Variants in FHAD1 observed in about 807,000 individuals in gnomAD.
FHAD1 encodes the protein forkhead associated phosphopeptide binding domain 1.
In FHAD1, 146 loss-of-function variants were observed where a neutral mutation model predicts 191.3. The observed-to-expected ratio is 0.76, with a 90% CI of 0.67 to 0.88. The LOEUF is 0.88. Ranked by LOEUF, FHAD1 falls within the 40% of genes least tolerant of loss-of-function variation. The pLI is 0.00. For missense variants in FHAD1, 1,635 were observed against 1,785.8 expected (o/e 0.92, Z 1.52); for synonymous variants, 616 against 672.3 (o/e 0.92, Z 1.29).
chr1:15,292,967 A>G (rs1256258253), intron 4 of FHAD1, among the ~76,000 whole-genome samples: 1 of 152,140 alleles, frequency 6.6e-6, no homozygotes, highest in African/African-American at 2.4e-5. Context: ...AGTAAAATTA[A>G]TTTCTGTTAT....
chr1:15,269,915 C>CTTTT lies in FHAD1; in HGVS notation c.94-2393_94-2390dup, dbSNP rs144971337. ...CCCCTTTACCATTATTTATGGCTCT[C>CTTTT]TTTTTTTTTTTTTTTTTTGAGTTTC... On this transcript the variant is annotated intron_variant, in intron 2 of 33. Coordinates refer to ENST00000688493, the MANE Select transcript of FHAD1 (RefSeq NM_001391957.1). Among the ~76,000 whole-genome samples the CTTTT allele has an allele frequency of 4.8e-4, 59 of 123,064 alleles. 1 individual carries two copies. Among genetic ancestry groups the CTTTT allele is most frequent in the Admixed American group, 6.4e-4 (7 of 10,892 alleles). The allele number at this position is 123,064 out of a possible 152,430, so 80.7% of individuals were successfully genotyped here.
At chr1:15,274,113 G>C (rs1657292407) in intron 3 of FHAD1, among the ~76,000 whole-genome samples, 1 of 152,226 alleles carries the variant, frequency 6.6e-6, no homozygotes, top group Non-Finnish European at 1.5e-5. Flanking sequence ...CCTTGTATGA[G>C]AGACCACATT....
rs1223750255 is a variant in FHAD1, at chr1:15,316,763, TC to T, written c.1260+300del. 6.6e-6 allele frequency among the ~76,000 whole-genome samples: 1 copy of T among 152,162 alleles called. No homozygotes were observed. Among genetic ancestry groups the T allele is most frequent in the Non-Finnish European group, 1.5e-5 (1 of 68,012 alleles). On this transcript the variant is annotated intron_variant, in intron 9 of 33. Transcript: ENST00000688493. The surrounding 1 kb of genome is among the most constrained non-coding windows in gnomAD (Gnocchi z 4.3). ...GGCTGGCCAGCTGGCCACCACATGG[TC>T]CCCTGCCCCACCCCTGACCTGTGAC...
At chr1:15,345,305 G>C in intron 17 of FHAD1, 111 bp from the exon 18 acceptor site, 4 of 1,339,746 alleles carry the variant, frequency 3.0e-6, no homozygotes, top group Non-Finnish European at 4.2e-6. Context: ...GCTGTCCACA[G>C]TCCCCTAGGG....
intron 7 of FHAD1, among the ~76,000 whole-genome samples, chr1:15,310,687 G>C (rs975643457): frequency 6.6e-6 from 1 of 152,136 alleles, no homozygotes; most frequent in Non-Finnish European, 1.5e-5. Context: ...CAAGCCTCCC[G>C]GCTGCTGCTT....
At chr1:15,401,563 C>G (rs1707127991), downstream of FHAD1, among the ~76,000 whole-genome samples, 1 of 152,202 alleles carries the variant, frequency 6.6e-6, no homozygotes, top group African/African-American at 2.4e-5. Flanking sequence ...TCTCTTGAAA[C>G]TTGGCAGCAT....
At chr1:15,306,938 C>T (rs1286408534) in intron 6 of FHAD1, among the ~76,000 whole-genome samples, 2 of 152,154 alleles carry the variant, frequency 1.3e-5, no homozygotes, top group Non-Finnish European at 2.9e-5. Flanking sequence ...AGAAGAGGGC[C>T]CCCGTCCTCC....
chr1:15,319,752 G>C (rs59343522), intron 10 of FHAD1, among the ~76,000 whole-genome samples: 15,823 of 152,176 alleles, frequency 0.1, 1,287 homozygotes, highest in African/African-American at 0.23. Flanking sequence ...ATAGGGTCCA[G>C]AAAAACTTAT....
chr1:15,316,312 C>T lies in FHAD1; in HGVS notation c.1171-66C>T. ...GGGCTCACATGGGGCCTTGGAGCCC[C>T]TCCTTCCCCCGACAACCCTACCTGG... On this transcript the variant is annotated intron_variant, in intron 8 of 33. Coordinates refer to ENST00000688493, the MANE Select transcript of FHAD1 (RefSeq NM_001391957.1). This position sits in a 1 kb window ranked among gnomAD's most constrained non-coding sequence, Gnocchi z 4.3. 1 of 1,328,986 alleles carries T rather than the reference C, an allele frequency of 7.5e-7. No individual in the cohort carries two copies. The highest frequency in any genetic ancestry group is 1.1e-6 in the Non-Finnish European group (1 of 948,216). 82.3% of individuals were successfully genotyped at this position (1,328,986 alleles called of 1,614,324 possible). A position where few individuals can be genotyped will look rare whatever the true frequency, so the allele number is the denominator to read the frequency against.
chr1:15,263,625 C>T (rs941633165), intron 2 of FHAD1, among the ~76,000 whole-genome samples: 1 of 151,020 alleles, frequency 6.6e-6, no homozygotes, highest in African/African-American at 2.4e-5. Flanking sequence ...GGGTTCATGC[C>T]ATTCTCCTGC....
chr1:15,337,340 G>A (rs1214367892), intron 14 of FHAD1, among the ~76,000 whole-genome samples: 6 of 152,112 alleles, frequency 3.9e-5, no homozygotes, highest in Non-Finnish European at 8.8e-5. Context: ...TCTCTCTCCC[G>A]TCTGATGACG....
At chr1:15,322,998 A>G (rs1055009427) in intron 10 of FHAD1, among the ~76,000 whole-genome samples, 2 of 152,184 alleles carry the variant, frequency 1.3e-5, no homozygotes, top group Non-Finnish European at 2.9e-5. Context: ...TAAGGAAGAA[A>G]CAAAAGTGGA....
intron 3 of FHAD1, among the ~76,000 whole-genome samples, chr1:15,287,498 G>A (rs551738743): frequency 5.6e-4 from 86 of 152,312 alleles, no homozygotes; most frequent in African/African-American, 2.1e-3. Context: ...GAGCAAGGGG[G>A]TGGGGAAAGC....
intron 21 of FHAD1, among the ~76,000 whole-genome samples, chr1:15,359,998 A>C (rs780168208): frequency 1.3e-5 from 2 of 152,138 alleles, no homozygotes; most frequent in Non-Finnish European, 2.9e-5. Flanking sequence ...CTGTAGTTCC[A>C]GCTACTCAGG....
chr1:15,319,494 C>G (rs1271085409), intron 10 of FHAD1, among the ~76,000 whole-genome samples: 4 of 152,124 alleles, frequency 2.6e-5, no homozygotes, highest in African/African-American at 9.7e-5. Context: ...GGTGCAGTAG[C>G]TCACGCCTGT....
chr1:15,267,045 A>G (rs1364472136), intron 2 of FHAD1, among the ~76,000 whole-genome samples: 1 of 152,252 alleles, frequency 6.6e-6, no homozygotes, highest in Non-Finnish European at 1.5e-5. Flanking sequence ...TGCATCCAAA[A>G]TAAATGAATC....
At chr1:15,252,709 A>G (rs1646933612) in intron 2 of FHAD1, among the ~76,000 whole-genome samples, 2 of 152,168 alleles carry the variant, frequency 1.3e-5, no homozygotes, top group African/African-American at 4.8e-5. Flanking sequence ...ACCCCATGGG[A>G]CTGCCGTGGG....
intron 19 of FHAD1, among the ~76,000 whole-genome samples, chr1:15,350,675 C>T (rs1405249608): frequency 6.6e-6 from 1 of 152,228 alleles, no homozygotes; most frequent in East Asian, 1.9e-4. Context: ...ATGCCCTCAT[C>T]TGCCATGTGG....
At chr1:15,274,141 C>A (rs564209696) in intron 3 of FHAD1, among the ~76,000 whole-genome samples, 7 of 152,190 alleles carry the variant, frequency 4.6e-5, no homozygotes, top group Non-Finnish European at 8.8e-5. Flanking sequence ...TCCGTTCTTC[C>A]ATGGGTAGAC....
Sources: allele counts gnomAD v4.1 joint callset (sites outside exome capture counted in the v4.1 genomes callset), GRCh38; gene constraint gnomAD v4.1.1; non-coding constraint Gnocchi (gnomAD v3.1); transcripts MANE v1.5; gene names NCBI Gene and HGNC (gene_info 2026-07-23, HGNC 2026-07-21).